SLC12A6: variants seen among roughly 807,000 people sequenced by gnomAD.
SLC12A6 encodes solute carrier family 12 member 6, also known as K-Cl cotransporter 3.
SLC12A6 carries 66 observed loss-of-function variants against 135.3 expected under a neutral mutation model. That is an observed-to-expected ratio of 0.49 (90% CI 0.40 to 0.60). The LOEUF (loss-of-function observed/expected upper bound fraction) is 0.60, where lower values mean the gene tolerates loss of function less well. SLC12A6 is among the 20% of genes least tolerant of loss of function. The pLI, the probability that SLC12A6 is intolerant of heterozygous loss-of-function variation, is 0.00. For synonymous variants in SLC12A6, 513 were observed against 508.8 expected, an observed-to-expected ratio of 1.01 and a Z score of -0.11; for missense variants, 1,058 against 1,452.3, an observed-to-expected ratio of 0.73 and a Z score of 4.41.
At chr15:34,323,880 G>T (rs537901527) in intron 2 of SLC12A6, among the ~76,000 whole-genome samples, 2 of 148,762 alleles carry the variant, frequency 1.3e-5, no homozygotes, top group Non-Finnish European at 3.0e-5. Flanking sequence ...GGCTGAGGCT[G>T]CAATGAGCCC....
chr15:34,288,294 G>A (rs75376015), intron 2 of SLC12A6, among the ~76,000 whole-genome samples: 1 of 152,204 alleles, frequency 6.6e-6, no homozygotes, highest in African/African-American at 2.4e-5. Flanking sequence ...GATGGTGGTA[G>A]ATGTGTGGTG....
At chr15:34,327,744 C>A (rs988433737) in intron 2 of SLC12A6, among the ~76,000 whole-genome samples, 1 of 152,040 alleles carries the variant, frequency 6.6e-6, no homozygotes, top group Admixed American at 6.6e-5. Context: ...TTTCTCATAG[C>A]TCCTCAAAGT....
chr15:34,237,822 TCAGA>T (rs1267873796), intron 21 of SLC12A6, among the ~76,000 whole-genome samples: 2 of 152,244 alleles, frequency 1.3e-5, no homozygotes, highest in East Asian at 3.8e-4. Context: ...GGTACTTTAT[TCAGA>T]CAGTGTATCA....
chr15:34,254,311 C>A, intron 9 of SLC12A6, 37 bp downstream of exon 9: 1 of 1,586,714 alleles, frequency 6.3e-7, no homozygotes, highest in Non-Finnish European at 8.6e-7. Flanking sequence ...CAATTACTAC[C>A]CAATAAGGAT....
chr15:34,238,514 T>C, intron 20 of SLC12A6, 113 bp from the exon 21 acceptor site: 1 of 797,256 alleles, frequency 1.3e-6, no homozygotes, highest in Non-Finnish European at 2.1e-6. Context: ...AGGGGTCCTA[T>C]TTACTTAGTA....
chr15:34,250,244 T>C, intron 13 of SLC12A6, 54 bp downstream of exon 13: 1 of 979,614 alleles, frequency 1.0e-6, no homozygotes, highest in Non-Finnish European at 1.7e-6. Flanking sequence ...TGTGGAATGA[T>C]CAGAAGTCAT....
At chr15:34,302,274 T>C (rs544853380) in intron 2 of SLC12A6, among the ~76,000 whole-genome samples, 2 of 152,106 alleles carry the variant, frequency 1.3e-5, no homozygotes, top group African/African-American at 4.8e-5. Flanking sequence ...TCAAGAAAAG[T>C]ATAAATGATA....
At chr15:34,299,467 T>G (rs562129770) in intron 2 of SLC12A6, 1 of 152,224 alleles carries the variant, frequency 6.6e-6, no homozygotes, top group Non-Finnish European at 1.5e-5. Flanking sequence ...CAGCTACCCC[T>G]AAGGGGCTTA....
intron 2 of SLC12A6, among the ~76,000 whole-genome samples, chr15:34,326,201 C>T (rs1302255079): frequency 1.3e-5 from 2 of 152,076 alleles, no homozygotes; most frequent in Non-Finnish European, 2.9e-5. Context: ...GTCAATATAG[C>T]CCAGGTATGA....
chr15:34,330,157 A>G (rs532389872), intron 2 of SLC12A6, among the ~76,000 whole-genome samples: 162 of 152,284 alleles, frequency 1.1e-3, no homozygotes, highest in African/African-American at 3.7e-3. Flanking sequence ...AACCAAGTTC[A>G]CACACTGCAT....
rs180858926 is a variant in SLC12A6, at chr15:34,318,289, T to C, written c.271+18121A>G. Among the ~76,000 whole-genome samples, 174 of 152,350 alleles carry C rather than the reference T, an allele frequency of 1.1e-3. 1 individual carries two copies. Among genetic ancestry groups the C allele is most frequent in the African/African-American group, 4.1e-3 (169 of 41,582 alleles). On this transcript the variant is annotated intron_variant, in intron 2 of 25. Coordinates refer to ENST00000354181, the MANE Select transcript of SLC12A6 (RefSeq NM_001365088.1). ...ACATAAATTGACTTCTGTGTCTTTCTTTTTGCTTGAAAACTCTTCAAACAT... is the reference window on the plus strand; with the variant it reads ...ACATAAATTGACTTCTGTGTCTTTCCTTTTGCTTGAAAACTCTTCAAACAT...
intron 2 of SLC12A6, among the ~76,000 whole-genome samples, chr15:34,331,260 C>T (rs73374477): frequency 0.17 from 26,330 of 152,088 alleles, 2,665 homozygotes; most frequent in East Asian, 0.33. Context: ...ATGCCTCAGC[C>T]ACCTGAGTAG....
chr15:34,244,889 GT>G (rs2140687108), intron 15 of SLC12A6, among the ~76,000 whole-genome samples: 1 of 152,238 alleles, frequency 6.6e-6, no homozygotes, highest in South Asian at 2.1e-4. Flanking sequence ...GGAATCATTG[GT>G]TTCCTTATCC....
chr15:34,298,745 C>T (rs979047215), intron 2 of SLC12A6, among the ~76,000 whole-genome samples: 3 of 152,088 alleles, frequency 2.0e-5, no homozygotes, highest in African/African-American at 7.2e-5. Flanking sequence ...GATTCTTCCC[C>T]CTTCCTCCCT....
chr15:34,265,149 A>G (rs1893415315), intron 3 of SLC12A6, among the ~76,000 whole-genome samples: 1 of 152,232 alleles, frequency 6.6e-6, no homozygotes, highest in South Asian at 2.1e-4. Flanking sequence ...GTGAGCCGAG[A>G]TCGTGCCACT....
intron 2 of SLC12A6, chr15:34,318,708 C>T (rs1323217857): frequency 6.2e-7 from 1 of 1,612,848 alleles, no homozygotes; most frequent in African/African-American, 1.3e-5. Context: ...TTTGCTCTTT[C>T]TGTATTTAAA....
intron 2 of SLC12A6, among the ~76,000 whole-genome samples, chr15:34,311,653 C>T (rs1006579967): frequency 2.6e-5 from 4 of 152,132 alleles, no homozygotes; most frequent in Non-Finnish European, 5.9e-5. Flanking sequence ...TATTCACCAG[C>T]CTCAGATTAT....
rs573075701 is a variant in SLC12A6 at position 34,255,583 on chromosome 15, C to T, written c.746-191G>A. Reference sequence around the variant, plus strand: ...AAGTGTTATTGTGGGATATACTGCACAACTAATGTAATGAGCCATATGAAG... The same window carrying T: ...AAGTGTTATTGTGGGATATACTGCATAACTAATGTAATGAGCCATATGAAG... On this transcript the variant is annotated intron_variant, in intron 7 of 25. Coordinates refer to ENST00000354181, the MANE Select transcript of SLC12A6 (RefSeq NM_001365088.1). 2.6e-5 allele frequency among the ~76,000 whole-genome samples: 4 copies of T among 152,178 alleles called. No individual in the cohort carries two copies. In the South Asian group the frequency reaches 6.2e-4, roughly 24 times the overall value.
chr15:34,258,681 C>T (rs898170846), intron 5 of SLC12A6, 132 bp downstream of exon 5: 14 of 814,702 alleles, frequency 1.7e-5, no homozygotes, highest in African/African-American at 3.4e-5. Flanking sequence ...GACGCTGGTG[C>T]CCAGAACAGT....
Sources: gnomAD v4.1 joint callset for allele counts (sites outside exome capture counted in the v4.1 genomes callset) on GRCh38, gnomAD v4.1.1 for gene constraint, MANE v1.5 for transcripts, NCBI Gene and HGNC (gene_info 2026-07-23, HGNC 2026-07-21) for gene names.